The following SYTL5 variants were observed in gnomAD, a reference collection of about 807,000 sequenced individuals.
SYTL5 encodes the protein synaptotagmin-like protein 5.
SYTL5 carries 34 observed loss-of-function variants against 55.9 expected under a neutral mutation model. The observed-to-expected ratio is 0.61, with a 90% CI of 0.46 to 0.81. SYTL5 has a LOEUF of 0.81. Ranked by LOEUF, SYTL5 falls within the 30% of genes least tolerant of loss-of-function variation. The probability of loss-of-function intolerance (pLI) is 0.00; values close to 1 mark genes in which losing one functional copy is unlikely to be tolerated. For missense variants in SYTL5, 637 were observed against 546.7 expected (o/e 1.17, Z -1.65); for synonymous variants, 221 against 188.7 (o/e 1.17, Z -1.40).
chrX:37,986,855 A>G, the SYTL5 span, among the ~76,000 whole-genome samples: 2 of 111,888 alleles, frequency 1.8e-5, no homozygotes, highest in African/African-American at 6.5e-5. Context: ...ATTATAACTC[A>G]TAAGAGTTTT....
upstream of SYTL5, among the ~76,000 whole-genome samples, chrX:38,002,314 T>C (rs1188952922): frequency 1.8e-5 from 2 of 111,949 alleles, no homozygotes; most frequent in Non-Finnish European, 1.9e-5. Flanking sequence ...TGAATAGTGC[T>C]GCAATAAACA....
the SYTL5 span, among the ~76,000 whole-genome samples, chrX:37,928,854 C>T: frequency 1.8e-5 from 2 of 111,853 alleles, no homozygotes; most frequent in Non-Finnish European, 3.8e-5. Flanking sequence ...GGTAAGCCAT[C>T]TTATTTCTTA....
At chrX:38,094,984 A>G (rs1407164597) in intron 8 of SYTL5, among the ~76,000 whole-genome samples, 4 of 111,830 alleles carry the variant, frequency 3.6e-5, no homozygotes, top group African/African-American at 3.2e-5. Flanking sequence ...AAATGTTAAT[A>G]GCTATGACTA....
intron 9 of SYTL5, among the ~76,000 whole-genome samples, chrX:38,097,809 A>G (rs1402586690): frequency 6.4e-5 from 7 of 109,172 alleles, no homozygotes; most frequent in African/African-American, 2.3e-4. Context: ...CTTACTCTAC[A>G]GTTATAGCTA....
At chrX:38,094,786 A>G (rs1301556032) in intron 8 of SYTL5, among the ~76,000 whole-genome samples, 1 of 112,013 alleles carries the variant, frequency 8.9e-6, no homozygotes, top group Non-Finnish European at 1.9e-5. Flanking sequence ...TGGTAGTTCA[A>G]TTGATATAGT....
chrX:37,958,903 G>A, the SYTL5 span, among the ~76,000 whole-genome samples: 2 of 112,286 alleles, frequency 1.8e-5, no homozygotes, highest in Admixed American at 9.4e-5. Flanking sequence ...TTAAAGCTTA[G>A]AATGATCTTT....
chrX:38,121,768 C>T (rs768034471), intron 14 of SYTL5, among the ~76,000 whole-genome samples: 1 of 111,983 alleles, frequency 8.9e-6, no homozygotes, highest in Admixed American at 9.4e-5. Context: ...AATGGTGCTC[C>T]GGGAAACTCT....
At chrX:38,085,857 C>A (rs780724800) in intron 6 of SYTL5, among the ~76,000 whole-genome samples, 13 of 111,201 alleles carry the variant, frequency 1.2e-4, no homozygotes, top group Non-Finnish European at 2.5e-4. Context: ...ATCCTTGGAT[C>A]CTCTGTCTAG....
the SYTL5 span, among the ~76,000 whole-genome samples, chrX:37,944,143 A>G: frequency 1.8e-5 from 2 of 111,384 alleles, no homozygotes; most frequent in Non-Finnish European, 3.8e-5. Context: ...TTTGGAGCAT[A>G]GTCGTTTCAT....
chrX:37,922,471 G>T, the SYTL5 span, among the ~76,000 whole-genome samples: 2 of 112,195 alleles, frequency 1.8e-5, no homozygotes, highest in African/African-American at 3.2e-5. Flanking sequence ...GTAAATATTA[G>T]TCTAGGGAAA....
the SYTL5 span, among the ~76,000 whole-genome samples, chrX:37,968,890 A>C: frequency 8.9e-6 from 1 of 112,091 alleles, no homozygotes; most frequent in Non-Finnish European, 1.9e-5. Context: ...TTTACAATCC[A>C]CTATAGTGAA....
At chrX:37,996,826 C>T in the SYTL5 span, among the ~76,000 whole-genome samples, 2 of 111,753 alleles carry the variant, frequency 1.8e-5, no homozygotes, top group Non-Finnish European at 3.8e-5. Context: ...AGAGTACCTC[C>T]GTTACTCCCA....
At chrX:38,037,759 A>C (rs1327329312) in intron 2 of SYTL5, among the ~76,000 whole-genome samples, 1 of 110,087 alleles carries the variant, frequency 9.1e-6, no homozygotes, top group Non-Finnish European at 1.9e-5. Flanking sequence ...GTGGGTCTGC[A>C]TGGCAATTAA....
At chrX:37,933,906 G>T in the SYTL5 span, among the ~76,000 whole-genome samples, 2 of 110,991 alleles carry the variant, frequency 1.8e-5, no homozygotes, top group Non-Finnish European at 3.8e-5. Flanking sequence ...TTGAGGGGGT[G>T]CCTCAACATG....
chrX:37,978,171 G>A, the SYTL5 span, among the ~76,000 whole-genome samples: 2 of 111,243 alleles, frequency 1.8e-5, no homozygotes, highest in South Asian at 7.7e-4. Context: ...CAAATACCTG[G>A]GCAAACGAAA....
chrX:38,025,067 G>T (rs183861072), intron 1 of SYTL5, among the ~76,000 whole-genome samples: 53 of 111,925 alleles, frequency 4.7e-4, no homozygotes, highest in Middle Eastern at 9.2e-3. Flanking sequence ...TGCTGTGCTT[G>T]TGGTAATCCA....
chrX:38,045,052 C>A (rs1308246561), intron 2 of SYTL5, among the ~76,000 whole-genome samples: 2 of 111,586 alleles, frequency 1.8e-5, no homozygotes, highest in Admixed American at 1.9e-4. Context: ...CAGAGGTAGA[C>A]CTTGAACTCA....
intron 2 of SYTL5, among the ~76,000 whole-genome samples, chrX:38,049,827 C>T (rs1569168231): frequency 8.9e-6 from 1 of 112,319 alleles, no homozygotes; most frequent in East Asian, 2.8e-4. Context: ...CTGTGCTAAA[C>T]ACTTACAAAC....
intron 2 of SYTL5, among the ~76,000 whole-genome samples, chrX:38,037,087 G>A (rs1015829435): frequency 9.0e-6 from 1 of 111,605 alleles, no homozygotes; most frequent in Admixed American, 9.5e-5. Flanking sequence ...ACCTTCGGGT[G>A]ACTGGAGTTT....
Sources: allele counts gnomAD v4.1 joint callset (sites outside exome capture counted in the v4.1 genomes callset), GRCh38; gene constraint gnomAD v4.1.1; transcripts MANE v1.5; gene names NCBI Gene and HGNC (gene_info 2026-07-23, HGNC 2026-07-21).